The following ZFPM2 variants were observed in gnomAD, a reference collection of about 807,000 sequenced individuals.
The protein encoded by ZFPM2 is zinc finger protein ZFPM2.
Under a neutral mutation model 98.6 loss-of-function variants are expected in ZFPM2, and 20 were observed. That is an observed-to-expected ratio of 0.20 (90% CI 0.14 to 0.29). The LOEUF is 0.29. ZFPM2 is among the 10% of genes least tolerant of loss of function. ZFPM2 has a pLI of 1.00. For missense variants in ZFPM2, 1,310 were observed against 1,388.6 expected (o/e 0.94, Z 0.90); for synonymous variants, 518 against 502.7 (o/e 1.03, Z -0.41).
intron 3 of ZFPM2, among the ~76,000 whole-genome samples, chr8:105,532,862 A>C (rs1289254741): frequency 7.9e-6 from 1 of 126,222 alleles, no homozygotes; most frequent in Non-Finnish European, 1.6e-5. Context: ...AGTGGCATTA[A>C]GTTTTTTTTT....
intron 1 of ZFPM2, among the ~76,000 whole-genome samples, chr8:105,414,248 G>A (rs1683267197): frequency 6.6e-6 from 1 of 151,876 alleles, no homozygotes; most frequent in African/African-American, 2.4e-5. Context: ...GATCCCTTTT[G>A]GGGGATATTA....
intron 4 of ZFPM2, among the ~76,000 whole-genome samples, chr8:105,570,007 C>T (rs374519114): frequency 5.2e-4 from 79 of 152,244 alleles, no homozygotes; most frequent in Non-Finnish European, 8.4e-4. Context: ...CATTCACAGA[C>T]GCCCTTAGGT....
rs186837209 is a variant in ZFPM2, at chr8:105,785,492, C to T, written c.533-3226C>T. ...GTTTCCTTTGGGAAACTTAGTTATC[C>T]TCTCTAAGCTTCTGTTTTCTCAAGT... On this transcript the variant is annotated intron_variant, in intron 5 of 7. Transcript: ENST00000407775. 7.5e-3 allele frequency among the ~76,000 whole-genome samples: 1,136 copies of T among 152,210 alleles called. 7 individuals carry two copies. Among genetic ancestry groups the T allele is most frequent in the South Asian group, 0.013 (64 of 4,824 alleles).
intron 1 of ZFPM2, chr8:105,418,844 C>A: frequency 1.8e-6 from 1 of 542,776 alleles, no homozygotes; most frequent in Non-Finnish European, 3.5e-6. Context: ...CAGTTTTGCT[C>A]TTAAAGAGCG....
At chr8:105,465,649 T>C (rs1008059464) in intron 3 of ZFPM2, among the ~76,000 whole-genome samples, 2 of 151,942 alleles carry the variant, frequency 1.3e-5, no homozygotes, top group African/African-American at 4.8e-5. Flanking sequence ...AGCCAACTAT[T>C]TGCAATATTT....
chr8:105,394,039 G>T (rs1428843457), intron 1 of ZFPM2, among the ~76,000 whole-genome samples: 1 of 151,748 alleles, frequency 6.6e-6, no homozygotes, highest in African/African-American at 2.4e-5. Context: ...GACTACAGGC[G>T]CCTGCCACCA....
intron 5 of ZFPM2, among the ~76,000 whole-genome samples, chr8:105,738,256 G>A (rs1812129654): frequency 6.6e-6 from 1 of 152,022 alleles, no homozygotes; most frequent in African/African-American, 2.4e-5. Flanking sequence ...CTACTTATAA[G>A]TGAGAGCATG....
At chr8:105,601,907 G>T (rs1586491989) in intron 4 of ZFPM2, among the ~76,000 whole-genome samples, 1 of 152,060 alleles carries the variant, frequency 6.6e-6, no homozygotes, top group African/African-American at 2.4e-5. Context: ...TGGATACCAA[G>T]GGCAGGAATT....
intron 1 of ZFPM2, among the ~76,000 whole-genome samples, chr8:105,363,043 G>T (rs1471018072): frequency 6.6e-6 from 1 of 152,138 alleles, no homozygotes; most frequent in Non-Finnish European, 1.5e-5. Context: ...TTTTTAAAGG[G>T]ATTCATGAAA....
intron 3 of ZFPM2, among the ~76,000 whole-genome samples, chr8:105,547,996 T>A (rs1336972034): frequency 6.6e-6 from 1 of 151,970 alleles, no homozygotes; most frequent in African/African-American, 2.4e-5. Context: ...GTTTTTTTTT[T>A]AAAGAAAAGC....
intron 1 of ZFPM2, among the ~76,000 whole-genome samples, chr8:105,400,254 TTTTA>T (rs1008716879): frequency 3.3e-5 from 5 of 151,986 alleles, no homozygotes; most frequent in African/African-American, 4.8e-5. Context: ...ATTTTTTTAT[TTTTA>T]TTTATTTTAT....
intron 3 of ZFPM2, among the ~76,000 whole-genome samples, chr8:105,534,085 TCCTCCCTCCCTC>T (rs1406671871): frequency 8.0e-5 from 3 of 37,718 alleles, no homozygotes; most frequent in Non-Finnish European, 5.1e-5. Flanking sequence ...CCTCCCATCT[TCCTCCCTCCCTC>T]CCTTCCTCCC....
intron 3 of ZFPM2, among the ~76,000 whole-genome samples, chr8:105,489,262 G>T (rs1486641071): frequency 6.6e-6 from 1 of 151,552 alleles, no homozygotes; most frequent in Non-Finnish European, 1.5e-5. Flanking sequence ...CTATTTAGAA[G>T]AAATTTGCCA....
chr8:105,645,060 A>G (rs566976589), intron 5 of ZFPM2, among the ~76,000 whole-genome samples: 4 of 152,206 alleles, frequency 2.6e-5, no homozygotes, highest in Non-Finnish European at 5.9e-5. Context: ...CTATAAGGAC[A>G]GGGATTTTTT....
intron 1 of ZFPM2, among the ~76,000 whole-genome samples, chr8:105,341,892 T>C (rs1465968673): frequency 1.3e-5 from 2 of 152,016 alleles, no homozygotes; most frequent in African/African-American, 2.4e-5. Flanking sequence ...TAAAAGTTCA[T>C]TGGGCTTTTG....
intron 3 of ZFPM2, among the ~76,000 whole-genome samples, chr8:105,484,800 C>T (rs369512264): frequency 3.9e-4 from 59 of 152,244 alleles, no homozygotes; most frequent in African/African-American, 1.3e-3. Flanking sequence ...CTTAGGGGGC[C>T]TTCATCTATG....
intron 2 of ZFPM2, among the ~76,000 whole-genome samples, chr8:105,434,466 A>G (rs1257152101): frequency 1.3e-5 from 2 of 152,212 alleles, no homozygotes; most frequent in African/African-American, 2.4e-5. Context: ...TCCTTTAACC[A>G]AAGCTATCTT....
chr8:105,745,772 C>T (rs998614940), intron 5 of ZFPM2, among the ~76,000 whole-genome samples: 11 of 151,944 alleles, frequency 7.2e-5, no homozygotes, highest in African/African-American at 2.4e-4. Context: ...GAGTTTCTTT[C>T]GTTTTGAGAC....
At chr8:105,728,890 G>C (rs1006113600) in intron 5 of ZFPM2, among the ~76,000 whole-genome samples, 1 of 151,628 alleles carries the variant, frequency 6.6e-6, no homozygotes, top group African/African-American at 2.4e-5. Flanking sequence ...TGTGTTCGGG[G>C]ACACTGTGCT....
Sources: allele counts gnomAD v4.1 joint callset (sites outside exome capture counted in the v4.1 genomes callset), GRCh38; gene constraint gnomAD v4.1.1; transcripts MANE v1.5; gene names NCBI Gene and HGNC (gene_info 2026-07-23, HGNC 2026-07-21).